Variants in TTLL1 observed in about 807,000 individuals in gnomAD.
TTLL1 encodes polyglutamylase complex subunit TTLL1.
TTLL1 carries 33 observed loss-of-function variants against 47.8 expected under a neutral mutation model. The observed-to-expected ratio is 0.69, with a 90% CI of 0.52 to 0.92. The LOEUF (loss-of-function observed/expected upper bound fraction) is 0.92. Ranked by LOEUF, TTLL1 falls within the 40% of genes least tolerant of loss-of-function variation. The pLI is 0.00. For missense variants in TTLL1, 488 were observed against 547.5 expected, an observed-to-expected ratio of 0.89 and a Z score of 1.08; for synonymous variants, 225 against 214.1, an observed-to-expected ratio of 1.05 and a Z score of -0.45.
chr22:43,041,925 G>T (rs903559890), intron 10 of TTLL1, among the ~76,000 whole-genome samples: 1 of 152,088 alleles, frequency 6.6e-6, no homozygotes, highest in Non-Finnish European at 1.5e-5. Context: ...TCTGGCTCTC[G>T]AAGGAGAGAC....
intron 8 of TTLL1, among the ~76,000 whole-genome samples, chr22:43,055,377 G>A (rs1016011728): frequency 1.3e-5 from 2 of 151,982 alleles, no homozygotes; most frequent in Non-Finnish European, 2.9e-5. Flanking sequence ...TGTCGCCCAG[G>A]CTGGAGTGCA....
chr22:43,072,646 ATTTG>A (rs944765992), intron 3 of TTLL1, among the ~76,000 whole-genome samples: 16 of 151,644 alleles, frequency 1.1e-4, no homozygotes, highest in Non-Finnish European at 2.4e-4. Context: ...TAATTTTTGT[ATTTG>A]TTTGTAGAGA....
In TTLL1 at chr22:43,059,428, C is replaced by T. The variant is rs746847301; in HGVS notation, c.847G>A (p.Asp283Asn). 13 of 1,613,960 alleles carry T rather than the reference C, an allele frequency of 8.1e-6. No individual in the cohort carries two copies. The East Asian group carries it at 1.1e-4, about 14-fold the overall frequency. Reference sequence around the variant, plus strand: ...TGCACGATGATCCAGTGGATCTCGTCGAACAGCTTGCTGGTCACCTCCTTG... The same window carrying T: ...TGCACGATGATCCAGTGGATCTCGTTGAACAGCTTGCTGGTCACCTCCTTG... ...RGKEVTSKLFDEIHWIIVQSL... is the reference protein window; with the variant it reads ...RGKEVTSKLFNEIHWIIVQSL... The change falls in exon 8 of 11, where the codon GAC becomes AAC. Residue 283 changes from aspartate to asparagine, a missense_variant. Physicochemically the swap from Asp to Asn is conservative, Grantham distance 23. Coordinates refer to ENST00000266254, the MANE Select transcript of TTLL1 (RefSeq NM_012263.5).
At chr22:43,046,055 T>C (rs113733480) in intron 10 of TTLL1, among the ~76,000 whole-genome samples, 1 of 152,022 alleles carries the variant, frequency 6.6e-6, no homozygotes, top group East Asian at 1.9e-4. Context: ...ACCCTGTCTA[T>C]ACTAAAAATA....
intron 3 of TTLL1, among the ~76,000 whole-genome samples, chr22:43,073,952 C>G (rs145534745): frequency 3.4e-3 from 516 of 151,170 alleles, no homozygotes; most frequent in African/African-American, 0.012. Flanking sequence ...CTCCCGAGTT[C>G]CTGGGATTAC....
intron 3 of TTLL1, among the ~76,000 whole-genome samples, chr22:43,070,440 G>A (rs562941561): frequency 6.6e-6 from 1 of 152,148 alleles, no homozygotes; most frequent in Admixed American, 6.6e-5. Context: ...GAAGGGGTAC[G>A]GAGGAAGGGC....
At chr22:43,056,657 C>T (rs1445236143) in intron 8 of TTLL1, among the ~76,000 whole-genome samples, 1 of 151,550 alleles carries the variant, frequency 6.6e-6, no homozygotes, top group Non-Finnish European at 1.5e-5. Context: ...TGGTGACGCG[C>T]ACCTGTAGTC....
At chr22:43,070,332 C>T (rs1454151331) in intron 3 of TTLL1, 2 of 604,282 alleles carry the variant, frequency 3.3e-6, no homozygotes, top group Non-Finnish European at 5.5e-6. Context: ...AAGTTGGGGA[C>T]GACAGAGTTG....
intron 7 of TTLL1, among the ~76,000 whole-genome samples, chr22:43,062,064 G>T (rs1927419085): frequency 6.6e-6 from 1 of 152,080 alleles, no homozygotes; most frequent in African/African-American, 2.4e-5. Context: ...AGGTACTAAG[G>T]TAGGCTTTGC....
chr22:43,069,969 A>T, intron 3 of TTLL1, 125 bp from the exon 4 acceptor site: 5 of 1,419,656 alleles, frequency 3.5e-6, no homozygotes, highest in Non-Finnish European at 4.7e-6. Flanking sequence ...ATCCCCTGGC[A>T]CCTGAGCCAG....
intron 10 of TTLL1, among the ~76,000 whole-genome samples, chr22:43,043,774 C>T (rs998467672): frequency 1.7e-4 from 26 of 152,170 alleles, no homozygotes; most frequent in African/African-American, 5.8e-4. Flanking sequence ...CTCTAAAGCC[C>T]CCAGCTCTTT....
chr22:43,074,984 T>C (rs766431789), intron 3 of TTLL1, among the ~76,000 whole-genome samples: 10 of 152,094 alleles, frequency 6.6e-5, no homozygotes, highest in Admixed American at 2.6e-4. Flanking sequence ...CCGGCCAACA[T>C]GGTGAAACCC....
At chr22:43,062,507 A>AAGAAG in intron 7 of TTLL1, among the ~76,000 whole-genome samples, 1 of 150,542 alleles carries the variant, frequency 6.6e-6, no homozygotes, top group African/African-American at 2.4e-5. Context: ...AAAAAAAGAA[A>AAGAAG]AGAAAAGAAA....
intron 1 of TTLL1, among the ~76,000 whole-genome samples, chr22:43,088,195 T>G (rs909783384): frequency 6.6e-6 from 1 of 152,006 alleles, no homozygotes; most frequent in Non-Finnish European, 1.5e-5. Context: ...GATGACTTCA[T>G]GTTGAGCAGG....
At chr22:43,069,475 C>T in intron 4 of TTLL1, 161 bp downstream of exon 4, 2 of 1,290,592 alleles carry the variant, frequency 1.5e-6, no homozygotes, top group African/African-American at 1.5e-5. Context: ...GCCCCTCCTT[C>T]TCCCTCATTC....
At chr22:43,086,273 T>C (rs1458244201) in intron 1 of TTLL1, among the ~76,000 whole-genome samples, 1 of 152,120 alleles carries the variant, frequency 6.6e-6, no homozygotes, top group Non-Finnish European at 1.5e-5. Flanking sequence ...CAGAGTGACA[T>C]ATTGACCTTT....
At chr22:43,061,214 T>G (rs1288205905) in intron 7 of TTLL1, among the ~76,000 whole-genome samples, 3 of 151,732 alleles carry the variant, frequency 2.0e-5, no homozygotes, top group Admixed American at 2.0e-4. Context: ...CATAAATACA[T>G]AAATAAAAAA....
Position 43,069,080 on chromosome 22 carries a change from C to T in TTLL1, c.323-490G>A, listed in dbSNP as rs138060402. Among the ~76,000 whole-genome samples, 677 of 151,996 alleles carry T rather than the reference C, an allele frequency of 4.5e-3. 2 individuals are homozygous for T. Among genetic ancestry groups the T allele is most frequent in the Admixed American group, 8.0e-3 (121 of 15,202 alleles). Reference sequence around the variant, plus strand: ...AGCGCTGAGGGCATCCTCTGGCTTACACAAAGTCCATGCTGGCTGGGTGTG... The same window carrying T: ...AGCGCTGAGGGCATCCTCTGGCTTATACAAAGTCCATGCTGGCTGGGTGTG... On this transcript the variant is annotated intron_variant, in intron 4 of 10. Coordinates refer to ENST00000266254, the MANE Select transcript of TTLL1 (RefSeq NM_012263.5).
At chr22:43,068,619 A>T in intron 4 of TTLL1, 29 bp from the exon 5 acceptor site, 1 of 1,418,084 alleles carries the variant, frequency 7.1e-7, no homozygotes, top group South Asian at 1.7e-5. Flanking sequence ...CAGCACTGGT[A>T]AGCAGCCAGC....
Sources: allele counts gnomAD v4.1 joint callset (sites outside exome capture counted in the v4.1 genomes callset), GRCh38; gene constraint gnomAD v4.1.1; transcripts MANE v1.5; gene names NCBI Gene and HGNC (gene_info 2026-07-23, HGNC 2026-07-21).